Variants in TRAPPC9 observed in about 807,000 individuals in gnomAD.
The protein encoded by TRAPPC9 is IKK2 binding protein.
Under a neutral mutation model 124.0 loss-of-function variants are expected in TRAPPC9, and 83 were observed. The observed-to-expected ratio is 0.67, with a 90% CI of 0.56 to 0.80. The LOEUF (loss-of-function observed/expected upper bound fraction) is 0.80. TRAPPC9 is among the 30% of genes least tolerant of loss of function. The pLI is 0.00. For synonymous variants in TRAPPC9, 638 were observed against 617.5 expected, an observed-to-expected ratio of 1.03 and a Z score of -0.49; for missense variants, 1,302 against 1,508.3, an observed-to-expected ratio of 0.86 and a Z score of 2.27.
At chr8:139,778,006 G>GA (rs1207001619) in intron 21 of TRAPPC9, among the ~76,000 whole-genome samples, 3 of 150,236 alleles carry the variant, frequency 2.0e-5, no homozygotes, top group African/African-American at 2.4e-5. Context: ...GAGAGAGAGA[G>GA]AAAAAAAAAC....
chr8:139,840,081 A>T (rs182399230), intron 21 of TRAPPC9, among the ~76,000 whole-genome samples: 1 of 152,340 alleles, frequency 6.6e-6, no homozygotes, highest in East Asian at 1.9e-4. Flanking sequence ...GTCTGTACTA[A>T]ATTCCCCTGG....
intron 21 of TRAPPC9, among the ~76,000 whole-genome samples, chr8:139,829,357 TTCGCCCAAGC>T (rs1288876740): frequency 6.6e-6 from 1 of 152,238 alleles, no homozygotes; most frequent in Non-Finnish European, 1.5e-5. Context: ...ATGTCAAATA[TTCGCCCAAGC>T]TCACAGCCTC....
chr8:139,923,633 C>A (rs1225703033), intron 19 of TRAPPC9, among the ~76,000 whole-genome samples: 1 of 152,206 alleles, frequency 6.6e-6, no homozygotes, highest in Non-Finnish European at 1.5e-5. Context: ...TCTGAGGAGG[C>A]CAGCACTGCA....
intron 17 of TRAPPC9, among the ~76,000 whole-genome samples, chr8:140,056,932 C>T (rs1200340902): frequency 2.0e-5 from 3 of 151,986 alleles, no homozygotes; most frequent in Admixed American, 2.0e-4. Flanking sequence ...GGATTAATAT[C>T]CAAAACGTAT....
At chr8:139,992,095 T>G (rs1342091954) in intron 18 of TRAPPC9, among the ~76,000 whole-genome samples, 1 of 152,118 alleles carries the variant, frequency 6.6e-6, no homozygotes, top group Non-Finnish European at 1.5e-5. Context: ...GAATAAAAGA[T>G]TAAGACATAC....
At chr8:140,211,112 G>A (rs2063051995) in intron 17 of TRAPPC9, among the ~76,000 whole-genome samples, 1 of 151,894 alleles carries the variant, frequency 6.6e-6, no homozygotes, top group Non-Finnish European at 1.5e-5. Flanking sequence ...GTAAAAGTTA[G>A]CTGGGTGTGG....
chr8:139,766,712 C>T (rs996245354), intron 21 of TRAPPC9, among the ~76,000 whole-genome samples: 2 of 152,146 alleles, frequency 1.3e-5, no homozygotes, highest in African/African-American at 4.8e-5. Context: ...ATTAAGGTCC[C>T]CGCTCCTGAG....
Position 140,441,126 on chromosome 8 carries a change from GCAC to G in TRAPPC9, c.585-1932_585-1930del, listed in dbSNP as rs1219801653. 7.3e-5 allele frequency among the ~76,000 whole-genome samples: 11 copies of G among 150,792 alleles called. No individual in the cohort carries two copies. The East Asian group carries it at 1.8e-3, about 24-fold the overall frequency. ...CCCCAGTAACTGGGACCACAGGTGT[GCAC>G]CACAACACCTGGCTAATTGTTTTTT... is the stretch of plus-strand genomic sequence containing the variant. On this transcript the variant is annotated intron_variant, in intron 2 of 22. Coordinates refer to ENST00000438773, the MANE Select transcript of TRAPPC9 (RefSeq NM_001160372.4).
chr8:140,002,410 A>G (rs1157964741), intron 18 of TRAPPC9, among the ~76,000 whole-genome samples: 6 of 152,188 alleles, frequency 3.9e-5, no homozygotes, highest in African/African-American at 2.4e-5. Flanking sequence ...TCATAGATTT[A>G]ACAAAATTCC....
intron 17 of TRAPPC9, among the ~76,000 whole-genome samples, chr8:140,114,933 ACCT>A (rs1563772181): frequency 6.6e-6 from 1 of 152,224 alleles, no homozygotes; most frequent in Non-Finnish European, 1.5e-5. Flanking sequence ...GAGTCTGACT[ACCT>A]CCTGAGAGCT....
chr8:139,938,946 C>T (rs1466183395), intron 19 of TRAPPC9, among the ~76,000 whole-genome samples: 3 of 152,194 alleles, frequency 2.0e-5, no homozygotes, highest in African/African-American at 4.8e-5. Flanking sequence ...CGCCCGGCCC[C>T]GATTAATTTT....
At chr8:139,858,965 A>G (rs1440981996) in intron 21 of TRAPPC9, among the ~76,000 whole-genome samples, 1 of 148,874 alleles carries the variant, frequency 6.7e-6, no homozygotes, top group Non-Finnish European at 1.5e-5. Context: ...TGCACGGTGA[A>G]ATTGGGCCCC....
intron 11 of TRAPPC9, among the ~76,000 whole-genome samples, chr8:140,296,256 T>C (rs1311381383): frequency 6.6e-6 from 1 of 152,196 alleles, no homozygotes; most frequent in Non-Finnish European, 1.5e-5. Flanking sequence ...AAAGGAATCT[T>C]TGACAATGTC....
chr8:140,188,919 A>T (rs1371590805), intron 17 of TRAPPC9, among the ~76,000 whole-genome samples: 2 of 152,192 alleles, frequency 1.3e-5, no homozygotes, highest in African/African-American at 4.8e-5. Flanking sequence ...AATGGCCAAC[A>T]GGCAGCCCTG....
At chr8:139,922,240 ACT>A (rs1405841055) in intron 19 of TRAPPC9, among the ~76,000 whole-genome samples, 1 of 149,962 alleles carries the variant, frequency 6.7e-6, no homozygotes, top group Non-Finnish European at 1.5e-5. Flanking sequence ...ACAGTGGCAC[ACT>A]CTCGGCTCAC....
intron 17 of TRAPPC9, among the ~76,000 whole-genome samples, chr8:140,195,315 G>C (rs549658584): frequency 1.0e-4 from 15 of 149,458 alleles, no homozygotes; most frequent in Non-Finnish European, 1.8e-4. Context: ...ACGATCCATC[G>C]TACAGATCAC....
chr8:140,377,796 T>C (rs1367910899), intron 7 of TRAPPC9, among the ~76,000 whole-genome samples: 1 of 151,988 alleles, frequency 6.6e-6, no homozygotes, highest in African/African-American at 2.4e-5. Context: ...AAAACACTAA[T>C]GATGTGTTGT....
chr8:140,223,914 A>G (rs768796632), intron 16 of TRAPPC9, among the ~76,000 whole-genome samples: 3 of 152,238 alleles, frequency 2.0e-5, no homozygotes, highest in Non-Finnish European at 2.9e-5. Context: ...TACGTTAAAA[A>G]ATAGTCTACT....
chr8:139,804,016 A>G (rs1203306134), intron 21 of TRAPPC9, among the ~76,000 whole-genome samples: 2 of 151,874 alleles, frequency 1.3e-5, no homozygotes, highest in African/African-American at 2.4e-5. Flanking sequence ...CTCTCACAGC[A>G]CCACCACCAC....
Sources: gnomAD v4.1 joint callset for allele counts (sites outside exome capture counted in the v4.1 genomes callset) on GRCh38, gnomAD v4.1.1 for gene constraint, MANE v1.5 for transcripts, NCBI Gene and HGNC (gene_info 2026-07-23, HGNC 2026-07-21) for gene names.